The following NKX2-1 variants were observed in gnomAD, a reference collection of about 807,000 sequenced individuals.
NKX2-1 encodes the protein NK2 homeobox 1, also known as homeobox protein Nkx-2.1.
A neutral mutation model predicts 35.1 loss-of-function variants in NKX2-1; 9 were observed. That is an observed-to-expected ratio of 0.26 (90% CI 0.15 to 0.45). NKX2-1 has a LOEUF of 0.45. NKX2-1 is among the 20% of genes least tolerant of loss of function. NKX2-1 has a pLI of 1.00. For missense variants in NKX2-1, 509 were observed against 589.1 expected, an observed-to-expected ratio of 0.86 and a Z score of 1.41; for synonymous variants, 284 against 269.9, an observed-to-expected ratio of 1.05 and a Z score of -0.51.
chr14:36,519,721 CAA>C, intron 1 of NKX2-1: 7 of 1,495,818 alleles, frequency 4.7e-6, no homozygotes, highest in South Asian at 2.5e-5. Flanking sequence ...TTTTAGGTCT[CAA>C]AGAGAGAGAG....
Position 36,517,537 on chromosome 14 carries a change from G to T in NKX2-1, c.947C>A (p.Ala316Glu), listed in dbSNP as rs778389039. The T allele has an allele frequency of 7.0e-7, 1 of 1,431,924 alleles. No individual in the cohort carries two copies. Among genetic ancestry groups the T allele is most frequent in the South Asian group, 1.5e-5 (1 of 68,068 alleles). 88.7% of individuals were successfully genotyped at this position (1,431,924 alleles called of 1,614,324 possible). ...APGAASLQGH[A>E]QQQAQHQAQA... ...CGCCTGGTGCTGCGCCTGCTGCTGC[G>T]CGTGGCCTTGTAGGCTGGCGGCGCC... is the stretch of plus-strand genomic sequence containing the variant. Residue 316 changes from alanine (A) to glutamate (E), a missense_variant, in exon 3 of 3, where the codon GCG (alanine) becomes GAG (glutamate). By Grantham distance (107) the Ala-to-Glu change is moderately radical. Transcript: ENST00000354822.
chr14:36,517,494 C>A lies in NKX2-1; in HGVS notation c.990G>T (p.Ala330=). The part of the protein sequence containing the change: ...AQHQAQAAQA[A]AAAISVGSGG... ...CGCTGCCCACGGAGATGGCCGCTGC[C>A]GCCGCCTGCGCGGCCTGCGCCTGGT... is the stretch of plus-strand genomic sequence containing the variant. The change falls in exon 3 of 3, where the codon GCG becomes GCT. Residue 330 remains alanine (A), a synonymous_variant. Coordinates refer to ENST00000354822, the MANE Select transcript of NKX2-1 (RefSeq NM_001079668.3). 1 of 1,347,812 alleles carries A rather than the reference C, an allele frequency of 7.4e-7. No homozygotes were observed. The allele number at this position is 1,347,812 out of a possible 1,614,324, so 83.5% of individuals were successfully genotyped here.
At chr14:36,518,909 G>A (rs759201022) in intron 2 of NKX2-1, 76 bp downstream of exon 2, 200 of 1,386,582 alleles carry the variant, frequency 1.4e-4, no homozygotes, top group Non-Finnish European at 1.8e-4. Context: ...GCCTGCCGGC[G>A]CCGCGCCTTC....
At chr14:36,519,661 C>T (rs1881254189) in intron 1 of NKX2-1, 2 of 1,523,206 alleles carry the variant, frequency 1.3e-6, no homozygotes, top group African/African-American at 2.7e-5. Flanking sequence ...AGATAATTAG[C>T]TTACATGCTG....
intron 1 of NKX2-1, 135 bp from the exon 2 acceptor site, chr14:36,519,505 T>A: frequency 1.3e-6 from 2 of 1,538,604 alleles, no homozygotes; most frequent in Non-Finnish European, 1.7e-6. Flanking sequence ...CGTAACGGAG[T>A]GGACCGAGTC....
rs1881281813 is a variant in NKX2-1, at chr14:36,520,067, G to A, written c.63C>T (p.Ser21=). ...GWEAAAGGRS[S]PGRLSRRRIM... ...GGGGGTTTCACCTGAGCCTGCCGGG[G>A]CTGCTCCTCCCTCCCGCCGCGGCCT... Residue 21 remains serine (S), a synonymous_variant, in exon 1 of 3, where the codon AGC becomes AGT. Transcript: ENST00000354822. 1.2e-6 allele frequency: 2 copies of A among 1,612,966 alleles called. No individual in the cohort carries two copies. The highest frequency in any genetic ancestry group is 1.3e-5 in the African/African-American group (1 of 75,038).
Position 36,517,210 on chromosome 14 carries a change from G to C in NKX2-1, c.*68C>G, listed in dbSNP as rs981734429. 4 of 1,563,230 alleles carry C rather than the reference G, an allele frequency of 2.6e-6. No homozygotes were observed. In the African/African-American group the frequency reaches 5.4e-5, roughly 21 times the overall value. On this transcript the variant is annotated 3_prime_UTR_variant, in exon 3 of 3. Transcript: ENST00000354822. Reference sequence around the variant, plus strand: ...AGCGCGTGGAGCAGCGGTGGATGGTGGTCTGTGTGGCGGGCAGGAGGGAAG... The same window carrying C: ...AGCGCGTGGAGCAGCGGTGGATGGTCGTCTGTGTGGCGGGCAGGAGGGAAG...
Position 36,517,148 on chromosome 14 carries a change from T to C in NKX2-1, c.*130A>G. On this transcript the variant is annotated 3_prime_UTR_variant, in exon 3 of 3. Coordinates refer to ENST00000354822, the MANE Select transcript of NKX2-1 (RefSeq NM_001079668.3). ...TTGGCCTTTGTGGTTTTTTTGTTCC[T>C]TGGTCTAAACGCGGCCAGGTTGTTA... 2 of 1,434,526 alleles carry C rather than the reference T, an allele frequency of 1.4e-6. No individual in the cohort carries two copies. The highest frequency in any genetic ancestry group is 1.8e-6 in the Non-Finnish European group (2 of 1,085,716). 88.9% of individuals were successfully genotyped at this position (1,434,526 alleles called of 1,614,324 possible).
In NKX2-1 at chr14:36,517,447, T is replaced by C. The variant is rs552685896; in HGVS notation, c.1037A>G (p.His346Arg). 17 of 1,492,360 alleles carry C rather than the reference T, an allele frequency of 1.1e-5. No individual in the cohort carries two copies. In the African/African-American group the frequency reaches 1.7e-4, roughly 15 times the overall value. The allele number at this position is 1,492,360 out of a possible 1,614,324, so 92.4% of individuals were successfully genotyped here. ...VGSGGAGLGA[H>R]PGHQPGSAGQ... is the part of the protein sequence containing the mutation. Reference sequence around the variant, plus strand: ...TGCGCTGCCTGGCTGGTGGCCCGGGTGTGCGCCAAGGCCGGCGCCACCGCT... The same window carrying C: ...TGCGCTGCCTGGCTGGTGGCCCGGGCGTGCGCCAAGGCCGGCGCCACCGCT... The change falls in exon 3 of 3, where the codon CAC (histidine) becomes CGC (arginine). Residue 346 changes from histidine to arginine, a missense_variant. By Grantham distance (29) the His-to-Arg change is conservative. Transcript: ENST00000354822.
intron 2 of NKX2-1, among the ~76,000 whole-genome samples, chr14:36,518,289 G>A (rs1364534738): frequency 1.3e-5 from 2 of 152,126 alleles, no homozygotes; most frequent in Non-Finnish European, 2.9e-5. Context: ...ACCAAAAGAC[G>A]CAGTGGGGGA....
At position 36,519,051 on chromosome 14, in the gene NKX2-1, T is replaced by G; in HGVS notation, c.397A>C (p.Thr133Pro). The G allele has an allele frequency of 6.3e-7, 1 of 1,598,836 alleles. No homozygotes were observed. The highest frequency in any genetic ancestry group is 1.1e-5 in the South Asian group (1 of 90,388). The change falls in exon 2 of 3, where the codon ACC becomes CCC. Residue 133 changes from threonine (T) to proline (P), a missense_variant. Thr to Pro is a conservative substitution (Grantham distance 38). This residue lies in a region of NKX2-1 where 271 missense variants were observed against 284.1 expected (regional missense o/e 0.95). Transcript: ENST00000354822. ...GGGCCAGAGGCGCTGTTCCTCATGGTGTCCTGGTACGGCGGCAGCTCGCTC... is the reference window on the plus strand; with the variant it reads ...GGGCCAGAGGCGCTGTTCCTCATGGGGTCCTGGTACGGCGGCAGCTCGCTC... ...NMSELPPYQD[T>P]MRNSASGPGW...
At position 36,517,930 on chromosome 14, in the gene NKX2-1, G is replaced by C; in HGVS notation, c.554C>G (p.Pro185Arg). Residue 185 changes from proline (P) to arginine (R), a missense_variant, in exon 3 of 3, where the codon CCG becomes CGG. Physicochemically the swap from Pro to Arg is moderately radical, Grantham distance 103. Coordinates refer to ENST00000354822, the MANE Select transcript of NKX2-1 (RefSeq NM_001079668.3). ...CTTCCTGCGCGGCGCGCTTGGCAGCGGGGCCATGTTCTTGCTCACGTCCCC... is the reference window on the plus strand; with the variant it reads ...CTTCCTGCGCGGCGCGCTTGGCAGCCGGGCCATGTTCTTGCTCACGTCCCC... ...SLGDVSKNMA[P>R]LPSAPRRKRR... The C allele has an allele frequency of 6.2e-7, 1 of 1,605,876 alleles. No homozygotes were observed. The highest frequency in any genetic ancestry group is 8.5e-7 in the Non-Finnish European group (1 of 1,179,610).
intron 1 of NKX2-1, chr14:36,519,607 T>C: frequency 1.3e-6 from 2 of 1,532,656 alleles, no homozygotes; most frequent in South Asian, 2.4e-5. Flanking sequence ...AGGCGGGGCG[T>C]AAGCGCTAAA....
At chr14:36,519,481 T>C (rs1881241281) in intron 1 of NKX2-1, 111 bp from the exon 2 acceptor site, 1 of 1,545,616 alleles carries the variant, frequency 6.5e-7, no homozygotes, top group African/African-American at 1.4e-5. Flanking sequence ...AACGCCGATC[T>C]TGTTGGATGT....
chr14:36,519,024 C>T lies in NKX2-1; in HGVS notation c.424G>A (p.Gly142Arg). ...GGGTCTGGGTTGGCGCCGTACCATC[C>T]GGGGCCAGAGGCGCTGTTCCTCATG... The part of the protein sequence containing the change: ...DTMRNSASGP[G>R]WYGANPDPRF... Residue 142 changes from glycine (G) to arginine (R), a missense_variant, in exon 2 of 3, where the codon GGA (glycine) becomes AGA (arginine). Physicochemically the swap from Gly to Arg is moderately radical, Grantham distance 125. Coordinates refer to ENST00000354822, the MANE Select transcript of NKX2-1 (RefSeq NM_001079668.3). The T allele has an allele frequency of 6.3e-7, 1 of 1,590,224 alleles. No individual in the cohort carries two copies. The highest frequency in any genetic ancestry group is 8.5e-7 in the Non-Finnish European group (1 of 1,174,856).
chr14:36,520,130 C>A lies in NKX2-1; in HGVS notation c.-1G>T. On this transcript the variant is annotated 5_prime_UTR_variant, in exon 1 of 3. Coordinates refer to ENST00000354822, the MANE Select transcript of NKX2-1 (RefSeq NM_001079668.3). ...CCTTCCCACTGCCTCCGGACCACAT[C>A]GGGCTTCGCTGCGCTGAGCCCCAGT... 6.2e-7 allele frequency: 1 copy of A among 1,612,986 alleles called. No individual in the cohort carries two copies. Among genetic ancestry groups the A allele is most frequent in the Non-Finnish European group, 8.5e-7 (1 of 1,179,898 alleles).
rs774185059 is a variant in NKX2-1, at chr14:36,519,417, C to G, written c.78-47G>C. 1.5e-5 allele frequency: 24 copies of G among 1,607,364 alleles called. No homozygotes were observed. In the African/African-American group the frequency reaches 2.7e-4, roughly 18 times the overall value. On this transcript the variant is annotated intron_variant, in intron 1 of 2. Transcript: ENST00000354822. ...GGAAAAAAAAGGGAGAGGGGGAAGG[C>G]GAAGCCTCGCTGCTTTTTTTTTCTC...
In NKX2-1 at chr14:36,519,325, G is replaced by A. The variant is rs1209236950; in HGVS notation, c.123C>T (p.Phe41=). Residue 41 remains phenylalanine (F), a synonymous_variant, in exon 2 of 3, where the codon TTC becomes TTT. Coordinates refer to ENST00000354822, the MANE Select transcript of NKX2-1 (RefSeq NM_001079668.3). Reference sequence around the variant, plus strand: ...GGGGACTCAAGATGTCAGACACTGAGAACGGAGTCGTGTGCTTTGGACTCA... The same window carrying A: ...GGGGACTCAAGATGTCAGACACTGAAAACGGAGTCGTGTGCTTTGGACTCA... The part of the protein sequence containing the change: ...MSMSPKHTTP[F]SVSDILSPLE... 6.2e-7 allele frequency: 1 copy of A among 1,613,132 alleles called. No individual in the cohort carries two copies. The highest frequency in any genetic ancestry group is 8.5e-7 in the Non-Finnish European group (1 of 1,180,044).
Position 36,517,973 on chromosome 14 carries a change from C to CCATGCCGCT in NKX2-1, c.502_510dup (p.Ser168_Met170dup). 1.3e-6 allele frequency: 2 copies of CCATGCCGCT among 1,599,748 alleles called. No individual in the cohort carries two copies. The highest frequency in any genetic ancestry group is 1.7e-6 in the Non-Finnish European group (2 of 1,179,734). ...ACGTCCCCCAGCGAGCCCAGGCCGC[C>CCATGCCGCT]CATGCCGCTCATGTTCATGCCGCTC... On this transcript the variant is annotated inframe_insertion, in exon 3 of 3. Coordinates refer to ENST00000354822, the MANE Select transcript of NKX2-1 (RefSeq NM_001079668.3).
Sources: allele counts gnomAD v4.1 joint callset (sites outside exome capture counted in the v4.1 genomes callset), GRCh38; gene constraint gnomAD v4.1.1; regional missense constraint gnomAD v4.1.1; transcripts MANE v1.5; gene names NCBI Gene and HGNC (gene_info 2026-07-23, HGNC 2026-07-21).